CHD9: variants seen among roughly 807,000 people sequenced by gnomAD.
CHD9 encodes ATP-dependent chromatin remodeler CHD9.
CHD9 carries 77 observed loss-of-function variants against 316.1 expected under a neutral mutation model. The observed-to-expected ratio is 0.24, with a 90% CI of 0.20 to 0.29. The LOEUF (loss-of-function observed/expected upper bound fraction) is 0.29, where lower values mean the gene tolerates loss of function less well. Among genes scored for constraint, CHD9 ranks in the 10% least tolerant of loss-of-function variants. The probability of loss-of-function intolerance (pLI) is 1.00; values close to 1 mark genes in which losing one functional copy is unlikely to be tolerated. For missense variants in CHD9, 2,763 were observed against 3,438.1 expected (o/e 0.80, Z 4.91); for synonymous variants, 1,129 against 1,158.3 (o/e 0.97, Z 0.51).
intron 1 of CHD9, among the ~76,000 whole-genome samples, chr16:53,109,429 A>AT (rs910438226): frequency 5.2e-4 from 78 of 149,908 alleles, no homozygotes; most frequent in Middle Eastern, 3.5e-3. Flanking sequence ...AGAAAGCAGC[A>AT]TTTTTTTTTT....
In CHD9 at chr16:53,132,793, CTTTTT is replaced by C. The variant is rs748626858; in HGVS notation, c.-164-23110_-164-23106del. 5.2e-3 allele frequency among the ~76,000 whole-genome samples: 356 copies of C among 68,442 alleles called. 1 individual carries two copies. Among genetic ancestry groups the C allele is most frequent in the African/African-American group, 0.018 (338 of 19,030 alleles). 44.9% of individuals were successfully genotyped at this position (68,442 alleles called of 152,430 possible). The stretch of plus-strand genomic sequence containing the variant: ...AGACTTTCCATTTCTTCTAATTCTG[CTTTTT>C]TTTTTTTTTTTTTTTTTTTTTTGGT... On this transcript the variant is annotated intron_variant, in intron 1 of 38. Transcript: ENST00000447540.
intron 1 of CHD9, among the ~76,000 whole-genome samples, chr16:53,056,003 CCTTTTTTACAACTAGTAA>C (rs34343905): frequency 0.067 from 10,136 of 152,186 alleles, 355 homozygotes; most frequent in African/African-American, 0.074. Flanking sequence ...TTATAACGAG[CCTTTTTTACAACTAGTAA>C]AAGGGCCCTT....
In CHD9 at chr16:53,273,046, G is replaced by A. The variant is rs527977006; in HGVS notation, c.4718-580G>A. Among the ~76,000 whole-genome samples the A allele has an allele frequency of 3.2e-4, 49 of 151,728 alleles. 1 individual carries two copies. The Middle Eastern group carries it at 0.017, about 53-fold the overall frequency. On this transcript the variant is annotated intron_variant, in intron 22 of 38. Coordinates refer to ENST00000447540, the MANE Select transcript of CHD9 (RefSeq NM_001308319.2). The stretch of plus-strand genomic sequence containing the variant: ...AGAGGTTGCAGTGAGCCGACATCAC[G>A]CCACTGCACTCCAGCCTGAGCAACA...
intron 19 of CHD9, among the ~76,000 whole-genome samples, chr16:53,257,377 A>AGG (rs1031086618): frequency 6.6e-6 from 1 of 152,210 alleles, no homozygotes; most frequent in Non-Finnish European, 1.5e-5. Context: ...ACATAATGCA[A>AGG]TCTGGTTTAG....
At chr16:53,108,823 T>C (rs62047974) in intron 1 of CHD9, among the ~76,000 whole-genome samples, 42,474 of 151,492 alleles carry the variant, frequency 0.28, 7,083 homozygotes, top group Non-Finnish European at 0.38. Flanking sequence ...TGCAGTGAGC[T>C]GAGATCGATC....
chr16:53,265,783 C>T (rs987973857), intron 20 of CHD9, among the ~76,000 whole-genome samples: 1 of 151,970 alleles, frequency 6.6e-6, no homozygotes, highest in Non-Finnish European at 1.5e-5. Context: ...TTTAACTATA[C>T]AAGACAGAAT....
At chr16:53,072,567 G>A (rs2034182352) in intron 1 of CHD9, among the ~76,000 whole-genome samples, 1 of 151,476 alleles carries the variant, frequency 6.6e-6, no homozygotes. Flanking sequence ...TTTTTGTAGA[G>A]ACAGGGTCTC....
intron 1 of CHD9, among the ~76,000 whole-genome samples, chr16:53,148,122 G>A (rs1186753362): frequency 6.6e-6 from 1 of 152,092 alleles, no homozygotes; most frequent in East Asian, 1.9e-4. Context: ...TAGGAGAATC[G>A]TTTGAATCCA....
intron 2 of CHD9, among the ~76,000 whole-genome samples, chr16:53,186,972 A>C (rs2044069814): frequency 6.6e-6 from 1 of 152,202 alleles, no homozygotes; most frequent in Admixed American, 6.5e-5. Flanking sequence ...TAGCAGTGGG[A>C]GAACAGACTA....
chr16:53,178,367 A>G (rs2043229409), intron 2 of CHD9, among the ~76,000 whole-genome samples: 1 of 150,958 alleles, frequency 6.6e-6, no homozygotes, highest in Non-Finnish European at 1.5e-5. Context: ...TTTGGGCTCC[A>G]TATCTTCTGT....
At chr16:53,243,651 A>T (rs1015782434) in intron 13 of CHD9, among the ~76,000 whole-genome samples, 3 of 152,192 alleles carry the variant, frequency 2.0e-5, no homozygotes, top group Non-Finnish European at 4.4e-5. Flanking sequence ...TAAGCCATGA[A>T]TTACTTAATA....
intron 1 of CHD9, among the ~76,000 whole-genome samples, chr16:53,107,485 A>AAAATG (rs2037454062): frequency 1.4e-5 from 2 of 141,062 alleles, no homozygotes; most frequent in African/African-American, 2.9e-5. Context: ...AAAATAAAAT[A>AAAATG]AAATAAATAA....
chr16:53,063,531 A>T (rs564209988), intron 1 of CHD9, among the ~76,000 whole-genome samples: 1 of 150,744 alleles, frequency 6.6e-6, no homozygotes, highest in Non-Finnish European at 1.5e-5. Flanking sequence ...TTATTTTTTT[A>T]TTTTTATTTT....
intron 2 of CHD9, among the ~76,000 whole-genome samples, chr16:53,168,017 TAATTAG>T (rs1045701869): frequency 1.3e-5 from 2 of 152,102 alleles, no homozygotes; most frequent in Non-Finnish European, 2.9e-5. Context: ...ACATTGAGTA[TAATTAG>T]AATTAGAAAT....
intron 1 of CHD9, among the ~76,000 whole-genome samples, chr16:53,093,501 T>A (rs2036124223): frequency 2.0e-5 from 3 of 152,212 alleles, no homozygotes; most frequent in Admixed American, 6.5e-5. Flanking sequence ...ATTGAGCACC[T>A]GCTATGTGCC....
intron 2 of CHD9, among the ~76,000 whole-genome samples, chr16:53,198,315 ATTTTT>A (rs34946383): frequency 3.2e-5 from 4 of 125,236 alleles, no homozygotes; most frequent in African/African-American, 1.2e-4. Context: ...TAAGCATTCA[ATTTTT>A]TTTTTTTTTT....
chr16:53,274,143 T>C (rs533538595), intron 23 of CHD9, 70 bp from the exon 24 acceptor site: 1 of 922,192 alleles, frequency 1.1e-6, no homozygotes, highest in Admixed American at 2.1e-5. Context: ...TTCCTAATTT[T>C]AACCCCATGT....
At chr16:53,223,462 T>G (rs2047407874) in intron 4 of CHD9, 1 of 152,504 alleles carries the variant, frequency 6.6e-6, no homozygotes, top group Non-Finnish European at 1.5e-5. Context: ...TCTTATCCAA[T>G]GGGAGAGTAG....
At chr16:53,134,283 T>C (rs1268355656) in intron 1 of CHD9, among the ~76,000 whole-genome samples, 1 of 152,140 alleles carries the variant, frequency 6.6e-6, no homozygotes, top group Admixed American at 6.5e-5. Flanking sequence ...TGGATACTGA[T>C]GAGATAGAGT....
Sources: allele counts gnomAD v4.1 joint callset (sites outside exome capture counted in the v4.1 genomes callset), GRCh38; gene constraint gnomAD v4.1.1; transcripts MANE v1.5; gene names NCBI Gene and HGNC (gene_info 2026-07-23, HGNC 2026-07-21).